MINDY4B: variants seen among roughly 807,000 people sequenced by gnomAD.
MINDY4B encodes the protein inactive ubiquitin carboxyl-terminal hydrolase MINDY-4B.
In MINDY4B, 25 loss-of-function variants were observed where a neutral mutation model predicts 16.7. That is an observed-to-expected ratio of 1.49 (90% CI 1.09 to 2.09). The LOEUF (loss-of-function observed/expected upper bound fraction) is 2.09. MINDY4B is among the 30% of genes most tolerant of loss of function. The pLI, the probability that MINDY4B is intolerant of heterozygous loss-of-function variation, is 0.00. For missense variants in MINDY4B, 327 were observed against 168.4 expected, an observed-to-expected ratio of 1.94 and a Z score of -5.21; for synonymous variants, 132 against 61.9, an observed-to-expected ratio of 2.13 and a Z score of -5.32.
At chr3:150,900,377 A>C (rs1454356143) in intron 3 of MINDY4B, among the ~76,000 whole-genome samples, 2 of 152,234 alleles carry the variant, frequency 1.3e-5, no homozygotes, top group African/African-American at 4.8e-5. Context: ...AACAGAGAAG[A>C]GAAAAGAATA....
intron 3 of MINDY4B, among the ~76,000 whole-genome samples, chr3:150,897,946 G>A (rs1393111214): frequency 6.6e-6 from 1 of 152,206 alleles, no homozygotes; most frequent in Non-Finnish European, 1.5e-5. Flanking sequence ...AGATTGCACA[G>A]CACAGAAAGA....
chr3:150,904,965 C>A, intron 2 of MINDY4B, 97 bp downstream of exon 2: 1 of 398,158 alleles, frequency 2.5e-6, no homozygotes. Context: ...GCCTGAGTGA[C>A]ATTATGTGCA....
At chr3:150,888,841 G>A (rs563641382) in intron 7 of MINDY4B, among the ~76,000 whole-genome samples, 1 of 152,210 alleles carries the variant, frequency 6.6e-6, no homozygotes, top group Non-Finnish European at 1.5e-5. Context: ...CCGTGGCTAC[G>A]TTTAAGAATT....
At chr3:150,877,198 G>A (rs969162595) in intron 10 of MINDY4B, among the ~76,000 whole-genome samples, 2 of 152,184 alleles carry the variant, frequency 1.3e-5, no homozygotes, top group African/African-American at 4.8e-5. Flanking sequence ...CACCTTGACA[G>A]CAGAATCTAC....
intron 3 of MINDY4B, among the ~76,000 whole-genome samples, chr3:150,896,468 A>G (rs1057326664): frequency 1.3e-5 from 2 of 152,206 alleles, no homozygotes; most frequent in East Asian, 3.9e-4. Flanking sequence ...TTGTTTTGCC[A>G]TATTACCAGA....
Position 150,873,064 on chromosome 3 carries a change from GA to G in MINDY4B, c.1240+122del. On this transcript the variant is annotated intron_variant, in intron 11 of 11. Coordinates refer to ENST00000465419, the MANE Select transcript of MINDY4B (RefSeq NM_001351281.2). ...GGATTCATGTGTGGGTTTCATTTCA[GA>G]AACTGAGCCTAAGCATTTTCCTGTG... The G allele has an allele frequency of 1.4e-5, 8 of 573,440 alleles. No individual in the cohort carries two copies. The South Asian group carries it at 1.9e-4, about 13-fold the overall frequency. 35.5% of individuals were successfully genotyped at this position (573,440 alleles called of 1,614,324 possible).
intron 10 of MINDY4B, among the ~76,000 whole-genome samples, chr3:150,880,347 G>A (rs1039343790): frequency 2.4e-4 from 37 of 151,920 alleles, no homozygotes; most frequent in African/African-American, 7.8e-4. Context: ...GTGTGGATGC[G>A]CACACGCGCC....
chr3:150,881,726 T>G (rs1711524578), intron 10 of MINDY4B, among the ~76,000 whole-genome samples: 1 of 152,180 alleles, frequency 6.6e-6, no homozygotes. Flanking sequence ...CTTTTTTACT[T>G]TTACCTTGTC....
At chr3:150,893,615 G>T (rs1277376223) in intron 4 of MINDY4B, among the ~76,000 whole-genome samples, 200 bp from the exon 5 acceptor site, 1 of 150,608 alleles carries the variant, frequency 6.6e-6, no homozygotes, top group African/African-American at 2.4e-5. Context: ...TCTTTGTGGA[G>T]ACCTGTGGAC....
chr3:150,898,034 T>C (rs1712022312), intron 3 of MINDY4B, among the ~76,000 whole-genome samples: 1 of 150,262 alleles, frequency 6.7e-6, no homozygotes, highest in Non-Finnish European at 1.5e-5. Flanking sequence ...TTACTGAACC[T>C]CTCTAAGACT....
Position 150,877,131 on chromosome 3 carries a change from G to A in MINDY4B, c.1060-3764C>T, listed in dbSNP as rs115591133. Among the ~76,000 whole-genome samples the A allele has an allele frequency of 9.6e-3, 1,453 of 152,102 alleles. 27 individuals carry two copies. The highest frequency in any genetic ancestry group is 0.033 in the African/African-American group (1,364 of 41,462). On this transcript the variant is annotated intron_variant, in intron 10 of 11. Transcript: ENST00000465419. ...TTTTTGCAATCTCTGCAATTTTATCGCAGAGTAATAAGAGATTTACTTAGA... is the reference window on the plus strand; with the variant it reads ...TTTTTGCAATCTCTGCAATTTTATCACAGAGTAATAAGAGATTTACTTAGA...
chr3:150,904,136 A>G (rs1317290841), intron 2 of MINDY4B, among the ~76,000 whole-genome samples: 1 of 152,222 alleles, frequency 6.6e-6, no homozygotes, highest in Non-Finnish European at 1.5e-5. Flanking sequence ...CAAATCACGG[A>G]CTACTGATCA....
At chr3:150,885,882 A>G (rs993699634) in intron 7 of MINDY4B, among the ~76,000 whole-genome samples, 1 of 152,166 alleles carries the variant, frequency 6.6e-6, no homozygotes, top group Non-Finnish European at 1.5e-5. Flanking sequence ...CCTCGGTTCT[A>G]CTGCTTTCTA....
At chr3:150,904,944 TA>T in intron 2 of MINDY4B, 117 bp downstream of exon 2, 1 of 397,896 alleles carries the variant, frequency 2.5e-6, no homozygotes, top group Non-Finnish European at 4.4e-6. Context: ...TTTCACGCGT[TA>T]AATGCCAGTG....
rs1194367906 is a variant in MINDY4B at position 150,901,556 on chromosome 3, CTG to C, written c.309+1691_309+1692del. ...TTTTTTTTTTTGACAGAGTCTCACT[CTG>C]TTGCCCAGGCTGGAGTACAGTTGCG... On this transcript the variant is annotated intron_variant, in intron 3 of 11. Coordinates refer to ENST00000465419, the MANE Select transcript of MINDY4B (RefSeq NM_001351281.2). 6 of 145,300 alleles carry C rather than the reference CTG, an allele frequency of 4.1e-5. No individual in the cohort carries two copies. In the Admixed American group the frequency reaches 4.2e-4, roughly 10 times the overall value. The allele number at this position is 145,300 out of a possible 1,614,324, so 9.0% of individuals were successfully genotyped here.
intron 10 of MINDY4B, among the ~76,000 whole-genome samples, chr3:150,882,564 G>GTATATATATATATATATATATATATATA (rs59302082): frequency 6.8e-6 from 1 of 148,016 alleles, no homozygotes; most frequent in African/African-American, 2.5e-5. Flanking sequence ...GTGTATGTGT[G>GTATATATATATATATATATATATATATA]TATATATATA....
At chr3:150,880,853 C>T (rs570650954) in intron 10 of MINDY4B, among the ~76,000 whole-genome samples, 59 of 152,204 alleles carry the variant, frequency 3.9e-4, no homozygotes, top group Non-Finnish European at 6.9e-4. Flanking sequence ...TGTTAGACCA[C>T]GGACACCAAG....
At chr3:150,895,600 G>A (rs887024225) in intron 3 of MINDY4B, among the ~76,000 whole-genome samples, 3 of 152,168 alleles carry the variant, frequency 2.0e-5, no homozygotes, top group Admixed American at 6.5e-5. Flanking sequence ...GAGTAGCTGG[G>A]ATTATAGGTG....
intron 10 of MINDY4B, among the ~76,000 whole-genome samples, chr3:150,876,819 G>A (rs1256619642): frequency 1.2e-4 from 18 of 152,172 alleles, no homozygotes; most frequent in Non-Finnish European, 2.1e-4. Flanking sequence ...TGGCAGGTGT[G>A]AAGATAATGT....
Sources: allele counts gnomAD v4.1 joint callset (sites outside exome capture counted in the v4.1 genomes callset), GRCh38; gene constraint gnomAD v4.1.1; transcripts MANE v1.5; gene names NCBI Gene and HGNC (gene_info 2026-07-23, HGNC 2026-07-21).